PKP4: variants seen among roughly 807,000 people sequenced by gnomAD.
The protein encoded by PKP4 is plakophilin 4.
PKP4 carries 90 observed loss-of-function variants against 145.1 expected under a neutral mutation model. That is an observed-to-expected ratio of 0.62 (90% CI 0.52 to 0.74). The LOEUF (loss-of-function observed/expected upper bound fraction) is 0.74. Ranked by LOEUF, PKP4 falls within the 30% of genes least tolerant of loss-of-function variation. PKP4 has a pLI of 0.00. For missense variants in PKP4, 1,340 were observed against 1,482.7 expected (o/e 0.90, Z 1.58); for synonymous variants, 563 against 577.2 (o/e 0.98, Z 0.35).
At chr2:158,576,445 C>G (rs183264233) in intron 2 of PKP4, among the ~76,000 whole-genome samples, 1 of 152,202 alleles carries the variant, frequency 6.6e-6, no homozygotes, top group Admixed American at 6.5e-5. Flanking sequence ...TAGCTTAAAA[C>G]CTTTGGAATG....
At chr2:158,663,936 T>G (rs1410864045) in intron 15 of PKP4, among the ~76,000 whole-genome samples, 1 of 152,172 alleles carries the variant, frequency 6.6e-6, no homozygotes, top group Non-Finnish European at 1.5e-5. Flanking sequence ...AGTCTTGTGG[T>G]GCAGAGAAGA....
chr2:158,543,016 G>T (rs1402848366), intron 2 of PKP4, among the ~76,000 whole-genome samples: 1 of 151,996 alleles, frequency 6.6e-6, no homozygotes, highest in African/African-American at 2.4e-5. Context: ...ACAAATTTTG[G>T]GGTTAATGTA....
At chr2:158,532,851 C>CT (rs892462965) in intron 1 of PKP4, among the ~76,000 whole-genome samples, 1 of 152,124 alleles carries the variant, frequency 6.6e-6, no homozygotes, top group Non-Finnish European at 1.5e-5. Context: ...GTTTTAAACT[C>CT]TTTTTTTCTT....
intron 11 of PKP4, among the ~76,000 whole-genome samples, chr2:158,647,999 A>G (rs961746544): frequency 1.3e-5 from 2 of 152,204 alleles, no homozygotes; most frequent in African/African-American, 2.4e-5. Flanking sequence ...TGAAAACATC[A>G]TTTTTTAAAA....
chr2:158,515,233 A>T (rs1388157795), intron 1 of PKP4, among the ~76,000 whole-genome samples: 1 of 152,238 alleles, frequency 6.6e-6, no homozygotes, highest in East Asian at 1.9e-4. Context: ...TGAAATAAGC[A>T]TGAAAAAACA....
chr2:158,540,152 G>A (rs2044389185), intron 2 of PKP4, among the ~76,000 whole-genome samples: 1 of 152,192 alleles, frequency 6.6e-6, no homozygotes. Flanking sequence ...AAAGCTTCCA[G>A]TCTTATATGT....
intron 3 of PKP4, among the ~76,000 whole-genome samples, chr2:158,602,784 A>G (rs1207849189): frequency 2.0e-5 from 3 of 152,202 alleles, no homozygotes; most frequent in African/African-American, 7.2e-5. Context: ...ACTGTAGTAC[A>G]TCATGTAAGT....
At chr2:158,535,776 T>C (rs1206291950) in intron 2 of PKP4, among the ~76,000 whole-genome samples, 1 of 152,166 alleles carries the variant, frequency 6.6e-6, no homozygotes, top group Admixed American at 6.5e-5. Context: ...GTATCCACTC[T>C]GTGATCTCAA....
intron 3 of PKP4, among the ~76,000 whole-genome samples, chr2:158,602,287 TTGTC>T (rs1433665633): frequency 6.6e-6 from 1 of 152,184 alleles, no homozygotes; most frequent in Non-Finnish European, 1.5e-5. Flanking sequence ...ATGTGTTTCT[TTGTC>T]TGTAAGATAA....
chr2:158,658,392 T>TA, intron 12 of PKP4, 78 bp downstream of exon 12: 1 of 861,808 alleles, frequency 1.2e-6, no homozygotes. Flanking sequence ...TAGGAGGACT[T>TA]ACTTTATTAA....
At chr2:158,517,470 G>C (rs1463192123) in intron 1 of PKP4, among the ~76,000 whole-genome samples, 1 of 152,082 alleles carries the variant, frequency 6.6e-6, no homozygotes, top group Non-Finnish European at 1.5e-5. Context: ...ATTGTAGTTT[G>C]TTAATTTGTC....
At chr2:158,616,738 A>T (rs2051664387) in intron 4 of PKP4, among the ~76,000 whole-genome samples, 1 of 152,206 alleles carries the variant, frequency 6.6e-6, no homozygotes. Context: ...ATGAAAGACT[A>T]GTCACAGGGT....
chr2:158,607,914 C>T (rs1324895414), intron 4 of PKP4, among the ~76,000 whole-genome samples: 2 of 152,114 alleles, frequency 1.3e-5, no homozygotes, highest in African/African-American at 2.4e-5. Context: ...TGACTGCCAT[C>T]TTCAGGGTTT....
At chr2:158,529,016 G>A (rs2043258619) in intron 1 of PKP4, among the ~76,000 whole-genome samples, 1 of 152,112 alleles carries the variant, frequency 6.6e-6, no homozygotes, top group African/African-American at 2.4e-5. Flanking sequence ...TCCTGTCTCT[G>A]CCACACACAG....
intron 3 of PKP4, chr2:158,588,739 C>G (rs1285140248): frequency 6.6e-6 from 1 of 152,146 alleles, no homozygotes; most frequent in Non-Finnish European, 1.5e-5. Flanking sequence ...AAACCTGCCA[C>G]TTAGGGTAGG....
Position 158,634,284 on chromosome 2 carries a change from C to G in PKP4, c.1557C>G (p.Asp519Glu). 1.2e-6 allele frequency: 2 copies of G among 1,613,320 alleles called. No individual in the cohort carries two copies. Among genetic ancestry groups the G allele is most frequent in the Middle Eastern group, 1.7e-4 (1 of 6,058 alleles). ...RSPSIDSIQK[D>E]PREFAWRDPE... ...CATCAATAGACAGCATTCAGAAGGA[C>G]CCCAGGCGAGTACCAGTTAGGAGTC... is the stretch of plus-strand genomic sequence containing the variant. The change falls in exon 9 of 22, where the codon GAC becomes GAG. Residue 519 changes from aspartate (D) to glutamate (E), a missense_variant. Coordinates refer to ENST00000389759, the MANE Select transcript of PKP4 (RefSeq NM_003628.6).
chr2:158,524,054 C>T (rs1273944759), intron 1 of PKP4, among the ~76,000 whole-genome samples: 1 of 51,356 alleles, frequency 1.9e-5, no homozygotes, highest in Non-Finnish European at 3.6e-5. Context: ...TTGGAAAACA[C>T]TCTGCAGGAT....
intron 1 of PKP4, among the ~76,000 whole-genome samples, chr2:158,514,535 C>T (rs951180467): frequency 1.3e-5 from 2 of 152,086 alleles, no homozygotes; most frequent in Non-Finnish European, 1.5e-5. Context: ...CTGCTGAAGA[C>T]CAGACAGAAA....
At chr2:158,575,986 C>T (rs1009823474) in intron 2 of PKP4, among the ~76,000 whole-genome samples, 17 of 152,000 alleles carry the variant, frequency 1.1e-4, no homozygotes, top group Admixed American at 1.3e-4. Flanking sequence ...TCCCACTTAC[C>T]GATTATGATC....
Sources: gnomAD v4.1 joint callset for allele counts (sites outside exome capture counted in the v4.1 genomes callset) on GRCh38, gnomAD v4.1.1 for gene constraint, MANE v1.5 for transcripts, NCBI Gene and HGNC (gene_info 2026-07-23, HGNC 2026-07-21) for gene names.